ANO3: variants seen among roughly 807,000 people sequenced by gnomAD.
ANO3 encodes anoctamin-3.
Under a neutral mutation model 144.8 loss-of-function variants are expected in ANO3, and 99 were observed. The ratio of observed to expected loss-of-function variants is 0.68; its 90% CI spans 0.58 to 0.81. The LOEUF is 0.81. Ranked by LOEUF, ANO3 falls within the 30% of genes least tolerant of loss-of-function variation. The pLI, the probability that ANO3 is intolerant of heterozygous loss-of-function variation, is 0.00. For synonymous variants in ANO3, 414 were observed against 392.6 expected (o/e 1.05, Z -0.64); for missense variants, 905 against 1,202.2 (o/e 0.75, Z 3.66).
intron 1 of ANO3, among the ~76,000 whole-genome samples, chr11:26,200,855 T>C (rs1412857305): frequency 2.0e-5 from 3 of 152,170 alleles, no homozygotes; most frequent in East Asian, 3.8e-4. Flanking sequence ...TAAAAAATTA[T>C]TGAATTTGTA....
At chr11:26,457,533 T>C (rs1590377642) in intron 3 of ANO3, among the ~76,000 whole-genome samples, 1 of 152,106 alleles carries the variant, frequency 6.6e-6, no homozygotes, top group Admixed American at 6.5e-5. Flanking sequence ...GAAGAAAATA[T>C]ATATTTATGT....
Position 26,661,338 on chromosome 11 carries a change from T to G in ANO3, c.*894T>G, listed in dbSNP as rs1853871119. ...TTACAACTCTCACGGAATATTAACT[T>G]GAAATGCTGTAAATACGTTGGTTTT... is the stretch of plus-strand genomic sequence containing the variant. On this transcript the variant is annotated 3_prime_UTR_variant, in exon 27 of 27. Coordinates refer to ENST00000256737, the MANE Select transcript of ANO3 (RefSeq NM_031418.4). The G allele has an allele frequency of 6.5e-6, 1 of 152,738 alleles. No individual in the cohort carries two copies. Among genetic ancestry groups the G allele is most frequent in the East Asian group, 1.9e-4 (1 of 5,178 alleles). The allele number at this position is 152,738 out of a possible 1,614,324, so 9.5% of individuals were successfully genotyped here. A position where few individuals can be genotyped will look rare whatever the true frequency, so the allele number is the denominator to read the frequency against.
intron 1 of ANO3, among the ~76,000 whole-genome samples, chr11:26,273,042 T>C (rs1277659419): frequency 6.6e-6 from 1 of 152,122 alleles, no homozygotes; most frequent in Non-Finnish European, 1.5e-5. Context: ...CTTAATGAAA[T>C]ACCTATAAAT....
chr11:26,474,735 C>A (rs1859897464), intron 4 of ANO3, among the ~76,000 whole-genome samples: 1 of 151,764 alleles, frequency 6.6e-6, no homozygotes, highest in African/African-American at 2.4e-5. Context: ...CAGATGCTTC[C>A]ATCGGGAAAA....
intron 17 of ANO3, among the ~76,000 whole-genome samples, chr11:26,610,038 A>G (rs1311348272): frequency 6.6e-6 from 1 of 152,208 alleles, no homozygotes; most frequent in East Asian, 1.9e-4. Flanking sequence ...CAGCCTCCAG[A>G]GTAGCTGGGA....
chr11:26,561,227 T>G, intron 14 of ANO3: 1 of 1,596,198 alleles, frequency 6.3e-7, no homozygotes, highest in Non-Finnish European at 8.5e-7. Flanking sequence ...ATCGCAGAAC[T>G]AAAAAAGTAA....
At chr11:26,384,945 T>C (rs1350941650) in intron 1 of ANO3, among the ~76,000 whole-genome samples, 3 of 152,226 alleles carry the variant, frequency 2.0e-5, no homozygotes. Flanking sequence ...ATTTTGCCTA[T>C]TCAGGCTCTT....
At chr11:26,231,166 C>A (rs936442732) in intron 1 of ANO3, among the ~76,000 whole-genome samples, 14 of 152,096 alleles carry the variant, frequency 9.2e-5, no homozygotes, top group Non-Finnish European at 1.2e-4. Context: ...CGTGAGCCAC[C>A]ACGCTCCACC....
chr11:26,239,545 C>G (rs1212458517), intron 1 of ANO3, among the ~76,000 whole-genome samples: 1 of 152,192 alleles, frequency 6.6e-6, no homozygotes, highest in Non-Finnish European at 1.5e-5. Context: ...AACATCATCT[C>G]AACAAAGAGA....
At chr11:26,572,291 C>T (rs1850860198) in intron 14 of ANO3, 1 of 952,856 alleles carries the variant, frequency 1.0e-6, no homozygotes, top group African/African-American at 1.8e-5. Flanking sequence ...AGGCCTTTAA[C>T]AACAACAACA....
At chr11:26,592,187 A>G (rs1851473098) in intron 14 of ANO3, among the ~76,000 whole-genome samples, 1 of 152,102 alleles carries the variant, frequency 6.6e-6, no homozygotes, top group African/African-American at 2.4e-5. Context: ...ACTAAGTCAC[A>G]CTTTTGGGAG....
At chr11:26,577,176 G>A (rs185088128) in intron 14 of ANO3, among the ~76,000 whole-genome samples, 1 of 152,250 alleles carries the variant, frequency 6.6e-6, no homozygotes, top group Non-Finnish European at 1.5e-5. Context: ...ATGGACACAA[G>A]GATAGATAAG....
At chr11:26,276,251 A>T (rs1374669889) in intron 1 of ANO3, among the ~76,000 whole-genome samples, 1 of 151,844 alleles carries the variant, frequency 6.6e-6, no homozygotes, top group East Asian at 1.9e-4. Context: ...GTCACCTAAG[A>T]CTCTTGTGAA....
At chr11:26,615,293 G>T (rs1378475961) in intron 17 of ANO3, among the ~76,000 whole-genome samples, 2 of 149,664 alleles carry the variant, frequency 1.3e-5, no homozygotes, top group Non-Finnish European at 1.5e-5. Context: ...ATTTATCAGT[G>T]GCTGCAGCAT....
At chr11:26,355,919 G>A (rs1227666859) in intron 1 of ANO3, among the ~76,000 whole-genome samples, 2 of 152,086 alleles carry the variant, frequency 1.3e-5, no homozygotes, top group Non-Finnish European at 2.9e-5. Flanking sequence ...TCATTATGTT[G>A]ACCACTTTGT....
chr11:26,605,270 C>G (rs556675472), intron 17 of ANO3, among the ~76,000 whole-genome samples: 29 of 152,250 alleles, frequency 1.9e-4, no homozygotes, highest in Non-Finnish European at 3.2e-4. Context: ...GTGAAGCCAA[C>G]TTGATGGTGG....
chr11:26,292,526 G>T (rs1358046766), intron 1 of ANO3, among the ~76,000 whole-genome samples: 1 of 152,062 alleles, frequency 6.6e-6, no homozygotes. Flanking sequence ...TTTCCGCTCT[G>T]GTTTCTCCCC....
At chr11:26,256,382 T>A (rs1013763455) in intron 1 of ANO3, among the ~76,000 whole-genome samples, 2 of 152,162 alleles carry the variant, frequency 1.3e-5, no homozygotes, top group Non-Finnish European at 2.9e-5. Flanking sequence ...CTCCTCTGGC[T>A]TTTCAAATTC....
chr11:26,544,251 C>CATATATAT (rs1554967685), intron 11 of ANO3, among the ~76,000 whole-genome samples: 840 of 38,448 alleles, frequency 0.022, 64 homozygotes, highest in Middle Eastern at 0.05. Context: ...TTTCATTATA[C>CATATATAT]ATATATATAT....
Sources: allele counts gnomAD v4.1 joint callset (sites outside exome capture counted in the v4.1 genomes callset), GRCh38; gene constraint gnomAD v4.1.1; transcripts MANE v1.5; gene names NCBI Gene and HGNC (gene_info 2026-07-23, HGNC 2026-07-21).